RGS6: variants seen among roughly 807,000 people sequenced by gnomAD.
RGS6 encodes the protein regulator of G protein signaling 6.
RGS6 carries 30 observed loss-of-function variants against 78.5 expected under a neutral mutation model. The ratio of observed to expected loss-of-function variants is 0.38; its 90% CI spans 0.29 to 0.52. RGS6 has a LOEUF of 0.52. Ranked by LOEUF, RGS6 falls within the 20% of genes least tolerant of loss-of-function variation. The probability of loss-of-function intolerance (pLI) is 0.85; values close to 1 mark genes in which losing one functional copy is unlikely to be tolerated. For missense variants in RGS6, 495 were observed against 609.7 expected (o/e 0.81, Z 1.98); for synonymous variants, 206 against 206.0 (o/e 1.00, Z 0.00).
chr14:72,354,142 C>G (rs1372210509), intron 3 of RGS6, among the ~76,000 whole-genome samples: 1 of 152,162 alleles, frequency 6.6e-6, no homozygotes, highest in Non-Finnish European at 1.5e-5. Context: ...AACTCAGGTA[C>G]TGTCTTACTC....
At chr14:72,040,783 C>G (rs2092328643) in intron 2 of RGS6, among the ~76,000 whole-genome samples, 1 of 152,030 alleles carries the variant, frequency 6.6e-6, no homozygotes. Context: ...TTGGCTTTGA[C>G]TAGAAAATTT....
the RGS6 span, among the ~76,000 whole-genome samples, chr14:72,622,069 G>T: frequency 6.6e-6 from 1 of 152,224 alleles, no homozygotes; most frequent in Non-Finnish European, 1.5e-5. Context: ...GAATGTGTGA[G>T]AGCAAATGTC....
chr14:72,011,619 T>A (rs997139279), intron 2 of RGS6, among the ~76,000 whole-genome samples: 1 of 151,800 alleles, frequency 6.6e-6, no homozygotes, highest in African/African-American at 2.4e-5. Flanking sequence ...CCCAATAGAG[T>A]ATAACAACTA....
At chr14:72,051,605 C>A (rs36736) in intron 2 of RGS6, among the ~76,000 whole-genome samples, 1 of 151,880 alleles carries the variant, frequency 6.6e-6, no homozygotes, top group Non-Finnish European at 1.5e-5. Context: ...GTGTGTGTGG[C>A]GGTGAAAGGG....
At chr14:72,541,640 C>G in intron 17 of RGS6, 1 of 1,534,014 alleles carries the variant, frequency 6.5e-7, no homozygotes, top group Non-Finnish European at 8.7e-7. Context: ...TCCCATCTCT[C>G]TCTGTTTGTC....
chr14:72,183,014 C>G (rs2097194755), intron 2 of RGS6, among the ~76,000 whole-genome samples: 2 of 152,078 alleles, frequency 1.3e-5, no homozygotes, highest in Admixed American at 6.5e-5. Flanking sequence ...TGGTAAGGTC[C>G]CAGAAACATT....
chr14:71,902,078 A>AAAT, the RGS6 span, among the ~76,000 whole-genome samples: 2 of 150,928 alleles, frequency 1.3e-5, no homozygotes, highest in Non-Finnish European at 2.9e-5. Flanking sequence ...CTGAGGAGAA[A>AAAT]AAACCTGGAG....
intron 2 of RGS6, among the ~76,000 whole-genome samples, chr14:72,139,653 G>A (rs2096507879): frequency 6.6e-6 from 1 of 152,126 alleles, no homozygotes; most frequent in Admixed American, 6.6e-5. Flanking sequence ...AAGCACCAAA[G>A]GTTTATTTAT....
At chr14:72,616,436 C>A in the RGS6 span, among the ~76,000 whole-genome samples, 4 of 152,160 alleles carry the variant, frequency 2.6e-5, no homozygotes, top group Non-Finnish European at 5.9e-5. Flanking sequence ...CGCAGCCCAG[C>A]CCTGGCAATA....
rs1014512302 is a variant in RGS6 at position 72,517,285 on chromosome 14, C to T, written c.1092-1066C>T. ...ACTAGACTACCTGTGATTCCCGCTG[C>T]TCTCGGAACCAGCACAGGACCTACT... On this transcript the variant is annotated intron_variant, in intron 14 of 17. Transcript: ENST00000553525. 2.0e-5 allele frequency among the ~76,000 whole-genome samples: 3 copies of T among 152,192 alleles called. No individual in the cohort carries two copies. In the East Asian group the frequency reaches 5.8e-4, roughly 29 times the overall value.
intron 2 of RGS6, among the ~76,000 whole-genome samples, chr14:72,266,804 G>C (rs1441283051): frequency 6.6e-6 from 1 of 152,162 alleles, no homozygotes; most frequent in Non-Finnish European, 1.5e-5. Flanking sequence ...CCAGGGCTCA[G>C]CTGTGTCAAG....
At chr14:72,499,715 G>A (rs1156371183) in intron 13 of RGS6, among the ~76,000 whole-genome samples, 2 of 151,640 alleles carry the variant, frequency 1.3e-5, no homozygotes, top group African/African-American at 4.9e-5. Context: ...GCTTTTGCCT[G>A]TTCCCTCCTC....
chr14:72,595,887 G>A, the RGS6 span, among the ~76,000 whole-genome samples: 5 of 152,106 alleles, frequency 3.3e-5, no homozygotes, highest in South Asian at 8.3e-4. Context: ...GTACCTCCAC[G>A]GAAAGCCACA....
chr14:72,275,207 ATATCTT>A (rs1337085131), intron 2 of RGS6, among the ~76,000 whole-genome samples: 3 of 152,250 alleles, frequency 2.0e-5, no homozygotes, highest in Non-Finnish European at 4.4e-5. Context: ...TTTCTAAAAA[ATATCTT>A]TAATGAACAC....
chr14:72,393,660 G>A (rs758700907), intron 3 of RGS6, among the ~76,000 whole-genome samples: 2 of 152,198 alleles, frequency 1.3e-5, no homozygotes, highest in Non-Finnish European at 2.9e-5. Context: ...ATACTCTACT[G>A]TGTTCCAAGA....
intron 2 of RGS6, among the ~76,000 whole-genome samples, chr14:72,248,406 T>C (rs1027641703): frequency 6.6e-6 from 1 of 152,210 alleles, no homozygotes. Context: ...CCTATTTATG[T>C]TAACATATGA....
intron 2 of RGS6, among the ~76,000 whole-genome samples, chr14:72,284,431 G>A (rs540395575): frequency 6.6e-6 from 1 of 152,314 alleles, no homozygotes; most frequent in South Asian, 2.1e-4. Context: ...ATGGCTAAAA[G>A]GGGCCAAGGT....
chr14:72,348,105 G>A (rs1395464239), intron 2 of RGS6, among the ~76,000 whole-genome samples: 1 of 152,168 alleles, frequency 6.6e-6, no homozygotes, highest in Non-Finnish European at 1.5e-5. Flanking sequence ...GCCACTCACT[G>A]GGTTCATGCC....
At chr14:72,061,575 T>C (rs2093897293) in intron 2 of RGS6, among the ~76,000 whole-genome samples, 1 of 152,110 alleles carries the variant, frequency 6.6e-6, no homozygotes, top group South Asian at 2.1e-4. Flanking sequence ...AAAGTAACTT[T>C]TTTTTTTTCC....
Sources: allele counts gnomAD v4.1 joint callset (sites outside exome capture counted in the v4.1 genomes callset), GRCh38; gene constraint gnomAD v4.1.1; transcripts MANE v1.5; gene names NCBI Gene and HGNC (gene_info 2026-07-23, HGNC 2026-07-21).